The following GRIK1 variants were observed in gnomAD, a reference collection of about 807,000 sequenced individuals.
The protein encoded by GRIK1 is glutamate receptor ionotropic, kainate 1.
GRIK1 carries 69 observed loss-of-function variants against 105.7 expected under a neutral mutation model. That is an observed-to-expected ratio of 0.65 (90% CI 0.54 to 0.80). GRIK1 has a LOEUF of 0.80. Ranked by LOEUF, GRIK1 falls within the 30% of genes least tolerant of loss-of-function variation. The probability of loss-of-function intolerance (pLI) is 0.00; values close to 1 mark genes in which losing one functional copy is unlikely to be tolerated. For missense variants in GRIK1, 1,109 were observed against 1,167.3 expected (o/e 0.95, Z 0.73); for synonymous variants, 438 against 431.3 (o/e 1.02, Z -0.19).
chr21:29,601,239 C>T (rs761760503), intron 7 of GRIK1: 9 of 509,656 alleles, frequency 1.8e-5, no homozygotes, highest in East Asian at 5.5e-5. Flanking sequence ...GCTGAAACAG[C>T]GGCCTTCACC....
At chr21:29,694,975 T>C (rs1406084797) in intron 1 of GRIK1, among the ~76,000 whole-genome samples, 1 of 152,206 alleles carries the variant, frequency 6.6e-6, no homozygotes, top group Non-Finnish European at 1.5e-5. Flanking sequence ...TCTTTTCTTT[T>C]TTTCTTTCTT....
intron 2 of GRIK1, 42 bp from the exon 3 acceptor site, chr21:29,690,027 G>A (rs1453326525): frequency 1.4e-6 from 2 of 1,463,674 alleles, no homozygotes; most frequent in South Asian, 1.1e-5. Context: ...GGGAGGGCAG[G>A]GAAAGGGGGA....
chr21:29,668,801 A>G (rs1295393728), intron 4 of GRIK1, among the ~76,000 whole-genome samples: 1 of 152,194 alleles, frequency 6.6e-6, no homozygotes, highest in Non-Finnish European at 1.5e-5. Flanking sequence ...CACACTCAGT[A>G]TGAATGAGGG....
rs539078991 is a variant in GRIK1, at chr21:29,841,681, T to G, written c.118+97702A>C. On this transcript the variant is annotated intron_variant, in intron 1 of 17. Transcript: ENST00000327783. The stretch of plus-strand genomic sequence containing the variant: ...CTCTGACAAGTCAGGCTTCACTATA[T>G]GCCACTGTCTATTGGAGAATCATGT... 8.5e-5 allele frequency among the ~76,000 whole-genome samples: 13 copies of G among 152,304 alleles called. No individual in the cohort carries two copies. In the South Asian group the frequency reaches 2.7e-3, roughly 32 times the overall value.
chr21:29,867,862 G>GAA (rs2068857910), intron 1 of GRIK1, among the ~76,000 whole-genome samples: 1 of 71,528 alleles, frequency 1.4e-5, no homozygotes, highest in African/African-American at 5.8e-5. Context: ...GAGAGAAAGA[G>GAA]AGAGAAAGAG....
At chr21:29,660,104 A>G (rs1183496297) in intron 4 of GRIK1, among the ~76,000 whole-genome samples, 5 of 152,220 alleles carry the variant, frequency 3.3e-5, no homozygotes, top group Non-Finnish European at 1.5e-5. Context: ...GCTCATTGAC[A>G]GCAGTGATCC....
chr21:29,806,355 G>C (rs1020934922), intron 1 of GRIK1, among the ~76,000 whole-genome samples: 3 of 151,582 alleles, frequency 2.0e-5, no homozygotes, highest in Non-Finnish European at 1.5e-5. Context: ...AAGTTACAAA[G>C]CTTTTTTTTT....
At chr21:29,838,682 G>A (rs564100707) in intron 1 of GRIK1, among the ~76,000 whole-genome samples, 5 of 152,294 alleles carry the variant, frequency 3.3e-5, no homozygotes, top group Admixed American at 6.5e-5. Context: ...GCAAAATAAC[G>A]TGGATTTTAC....
chr21:29,792,505 C>G (rs756615140), intron 1 of GRIK1, among the ~76,000 whole-genome samples: 1 of 152,152 alleles, frequency 6.6e-6, no homozygotes, highest in African/African-American at 2.4e-5. Context: ...CATGAGAAAT[C>G]CTAGAGCATT....
intron 1 of GRIK1, among the ~76,000 whole-genome samples, chr21:29,912,941 C>G (rs974826480): frequency 5.9e-5 from 9 of 152,068 alleles, no homozygotes; most frequent in African/African-American, 2.2e-4. Context: ...GCCAATGGCA[C>G]AAGAATCCAG....
At chr21:29,903,035 GA>G (rs2056323602) in intron 1 of GRIK1, among the ~76,000 whole-genome samples, 1 of 142,502 alleles carries the variant, frequency 7.0e-6, no homozygotes, top group Non-Finnish European at 1.5e-5. Context: ...ATGGGGAAAA[GA>G]TTTCCTATTT....
intron 16 of GRIK1, among the ~76,000 whole-genome samples, chr21:29,538,970 A>T (rs1410373293): frequency 6.6e-6 from 1 of 152,138 alleles, no homozygotes; most frequent in African/African-American, 2.4e-5. Context: ...ATGTCTCTTA[A>T]AAAACTGGTT....
chr21:29,728,967 T>C (rs550714401), intron 1 of GRIK1, among the ~76,000 whole-genome samples: 83 of 152,252 alleles, frequency 5.5e-4, no homozygotes, highest in South Asian at 1.0e-3. Context: ...CGATACCATA[T>C]AAGTAGGTTC....
chr21:29,707,026 T>G (rs774316900), intron 1 of GRIK1, among the ~76,000 whole-genome samples: 10 of 151,548 alleles, frequency 6.6e-5, no homozygotes, highest in Non-Finnish European at 7.4e-5. Flanking sequence ...CACCGCGCCC[T>G]GCTAATGTTT....
chr21:29,639,587 AAGGGATC>A (rs1273924295), intron 7 of GRIK1, among the ~76,000 whole-genome samples: 1 of 152,208 alleles, frequency 6.6e-6, no homozygotes, highest in African/African-American at 2.4e-5. Flanking sequence ...AGAGCTGGCA[AAGGGATC>A]AGGAACAAGA....
At chr21:29,810,817 A>G (rs1174734916) in intron 1 of GRIK1, among the ~76,000 whole-genome samples, 1 of 152,122 alleles carries the variant, frequency 6.6e-6, no homozygotes, top group African/African-American at 2.4e-5. Context: ...TTCATCAAGC[A>G]TCTATTTTCA....
intron 1 of GRIK1, among the ~76,000 whole-genome samples, chr21:29,852,713 T>C (rs2068345661): frequency 6.6e-6 from 1 of 152,206 alleles, no homozygotes; most frequent in Non-Finnish European, 1.5e-5. Context: ...CAAAGTAAAG[T>C]GTTATGTTAT....
intron 7 of GRIK1, among the ~76,000 whole-genome samples, chr21:29,628,895 T>G (rs1251372605): frequency 6.6e-6 from 1 of 152,216 alleles, no homozygotes; most frequent in East Asian, 1.9e-4. Context: ...TCTATGAAGA[T>G]GAACAATGGA....
At chr21:29,620,802 T>TATATATAG (rs1276169939) in intron 7 of GRIK1, among the ~76,000 whole-genome samples, 51 of 127,402 alleles carry the variant, frequency 4.0e-4, no homozygotes, top group African/African-American at 1.4e-3. Context: ...TCTATATATA[T>TATATATAG]ATAGATATAT....
Sources: gnomAD v4.1 joint callset for allele counts (sites outside exome capture counted in the v4.1 genomes callset) on GRCh38, gnomAD v4.1.1 for gene constraint, MANE v1.5 for transcripts, NCBI Gene and HGNC (gene_info 2026-07-23, HGNC 2026-07-21) for gene names.